ELMOD3: variants seen among roughly 807,000 people sequenced by gnomAD.
The protein encoded by ELMOD3 is ELMO domain-containing protein 3.
ELMOD3 carries 36 observed loss-of-function variants against 47.4 expected under a neutral mutation model. The ratio of observed to expected loss-of-function variants is 0.76; its 90% CI spans 0.58 to 1.00. The LOEUF (loss-of-function observed/expected upper bound fraction) is 1.00, where lower values mean the gene tolerates loss of function less well. Among genes scored for constraint, ELMOD3 ranks in the 50% least tolerant of loss-of-function variants. ELMOD3 has a pLI of 0.00. For synonymous variants in ELMOD3, 149 were observed against 183.5 expected (o/e 0.81, Z 1.52); for missense variants, 404 against 463.8 (o/e 0.87, Z 1.18).
chr2:85,370,419 T>TAAAA (rs569181155), intron 8 of ELMOD3, among the ~76,000 whole-genome samples: 1 of 121,360 alleles, frequency 8.2e-6, no homozygotes, highest in Non-Finnish European at 1.8e-5. Context: ...CCTGTCTCCG[T>TAAAA]AAAAAAAAAA....
At chr2:85,365,393 GA>G (rs1300818254) in intron 6 of ELMOD3, among the ~76,000 whole-genome samples, 2 of 151,348 alleles carry the variant, frequency 1.3e-5, no homozygotes, top group African/African-American at 4.8e-5. Context: ...ATGTAAAAGA[GA>G]ATTAATAAAT....
intron 4 of ELMOD3, chr2:85,360,789 TA>T: frequency 3.8e-6 from 1 of 264,982 alleles, no homozygotes; most frequent in Non-Finnish European, 8.1e-6. Context: ...CATTTTTACA[TA>T]ATCTTTAATG....
chr2:85,370,972 A>C (rs910123717), intron 8 of ELMOD3, 114 bp from the exon 9 acceptor site: 13 of 1,279,342 alleles, frequency 1.0e-5, no homozygotes, highest in Non-Finnish European at 1.4e-5. Flanking sequence ...AAGGCCAGCC[A>C]GATAGCTGGG....
At position 85,382,409 on chromosome 2, in the gene ELMOD3, GC is replaced by G. The variant is rs548454482; in HGVS notation, c.738+4937del. Among the ~76,000 whole-genome samples, 18 of 149,464 alleles carry G rather than the reference GC, an allele frequency of 1.2e-4. No individual in the cohort carries two copies. The East Asian group carries it at 3.6e-3, about 30-fold the overall frequency. ...GCCGAGATTGTGCCACTGCACTCCA[GC>G]CTGGGCAACAGAGCGAGATTCTGTC... On this transcript the variant is annotated intron_variant, in intron 11 of 13. Transcript: ENST00000409013.
At chr2:85,383,603 T>C (rs1001020896) in intron 11 of ELMOD3, among the ~76,000 whole-genome samples, 9 of 151,874 alleles carry the variant, frequency 5.9e-5, no homozygotes, top group African/African-American at 2.2e-4. Flanking sequence ...GGATTATAGG[T>C]GTGAGCCACC....
At chr2:85,355,303 C>A (rs1161063003) in intron 2 of ELMOD3, 133 bp downstream of exon 2, 1 of 152,310 alleles carries the variant, frequency 6.6e-6, no homozygotes, top group Non-Finnish European at 1.5e-5. Context: ...GGGAGCCGCC[C>A]ATGGACAAGC....
At chr2:85,361,891 A>C (rs1472033012) in intron 4 of ELMOD3, among the ~76,000 whole-genome samples, 8 of 151,900 alleles carry the variant, frequency 5.3e-5, no homozygotes, top group African/African-American at 1.9e-4. Flanking sequence ...AGATCGTGCC[A>C]CTGTACTCCA....
intron 5 of ELMOD3, among the ~76,000 whole-genome samples, 195 bp downstream of exon 5, chr2:85,362,455 A>G (rs1684052903): frequency 6.6e-6 from 1 of 152,136 alleles, no homozygotes; most frequent in South Asian, 2.1e-4. Flanking sequence ...TAATAAGATA[A>G]TTGCCATAAT....
In ELMOD3 at chr2:85,382,521, C is replaced by CTTTTTTT. The variant is rs112459154; in HGVS notation, c.738+5052_738+5058dup. Among the ~76,000 whole-genome samples, 7 of 143,206 alleles carry CTTTTTTT rather than the reference C, an allele frequency of 4.9e-5. 1 individual carries two copies. The highest frequency in any genetic ancestry group is 1.1e-4 in the Non-Finnish European group (7 of 66,012). 93.9% of individuals were successfully genotyped at this position (143,206 alleles called of 152,430 possible). On this transcript the variant is annotated intron_variant, in intron 11 of 13. Transcript: ENST00000409013. ...GCCCTGTAACTCAATGTCACAAGGA[C>CTTTTTTT]TTTTTTTTTTTGAGACAGAGTCTCA...
chr2:85,373,708 G>A (rs561156605), intron 10 of ELMOD3, among the ~76,000 whole-genome samples: 40 of 151,626 alleles, frequency 2.6e-4, no homozygotes, highest in Non-Finnish European at 4.0e-4. Flanking sequence ...GCATGGTGGC[G>A]CGTGCCTGTA....
In ELMOD3 at chr2:85,376,038, C is replaced by A. The variant is rs1335531067; in HGVS notation, c.608-1306C>A. 6.6e-6 allele frequency among the ~76,000 whole-genome samples: 1 copy of A among 152,166 alleles called. No individual in the cohort carries two copies. Among genetic ancestry groups the A allele is most frequent in the African/African-American group, 2.4e-5 (1 of 41,440 alleles). ...TCTCTGCTGATCAGCAACCTTAATT[C>A]TACCTGCAGTCTTAATCCCCTTTGC... On this transcript the variant is annotated intron_variant, in intron 10 of 13. Coordinates refer to ENST00000409013, the MANE Select transcript of ELMOD3 (RefSeq NM_001135022.2). This position sits in a 1 kb window ranked among gnomAD's most constrained non-coding sequence, Gnocchi z 4.2.
intron 11 of ELMOD3, among the ~76,000 whole-genome samples, chr2:85,382,253 C>T (rs1026526515): frequency 1.0e-4 from 15 of 150,608 alleles, no homozygotes; most frequent in Admixed American, 2.0e-4. Context: ...TCCTGCCTAA[C>T]GTGGTGAAAC....
rs1686196978 is a variant in ELMOD3, at chr2:85,389,835, C to T, written c.815+8C>T. On this transcript the variant is annotated splice_region_variant and intron_variant, in intron 12 of 13. Transcript: ENST00000409013. ...AGAGGAGTGTCTCTCCAGGTGAGTC[C>T]CCAAACACCAGCTGGTTAGAGTGAC... The T allele has an allele frequency of 1.2e-6, 2 of 1,611,378 alleles. No homozygotes were observed. Among genetic ancestry groups the T allele is most frequent in the Admixed American group, 1.7e-5 (1 of 59,996 alleles).
chr2:85,382,920 T>G (rs1248729972), intron 11 of ELMOD3, among the ~76,000 whole-genome samples: 1 of 143,824 alleles, frequency 7.0e-6, no homozygotes, highest in African/African-American at 2.6e-5. Context: ...GGCTGTAGAC[T>G]CTACCATCCC....
At chr2:85,368,566 T>C in intron 6 of ELMOD3, 120 bp from the exon 7 acceptor site, 1 of 841,068 alleles carries the variant, frequency 1.2e-6, no homozygotes, top group Non-Finnish European at 1.9e-6. Context: ...GGCAACACAG[T>C]GACACCCCAT....
intron 11 of ELMOD3, 130 bp from the exon 12 acceptor site, chr2:85,389,621 A>C (rs1442194751): frequency 1.5e-6 from 1 of 678,506 alleles, no homozygotes; most frequent in Non-Finnish European, 2.6e-6. Flanking sequence ...AGGAAAATTA[A>C]GTGGAAGCAA....
chr2:85,380,271 T>TA (rs977619902), intron 11 of ELMOD3, among the ~76,000 whole-genome samples: 1 of 152,194 alleles, frequency 6.6e-6, no homozygotes, highest in African/African-American at 2.4e-5. Context: ...ACTAAATTGT[T>TA]AAAAGCTGTC....
At position 85,390,823 on chromosome 2, in the gene ELMOD3, C is replaced by T; in HGVS notation, c.1007C>T (p.Ala336Val). The change falls in exon 14 of 14, where the codon GCC becomes GTC. Residue 336 changes from alanine to valine, a missense_variant. Ala to Val is a moderately conservative substitution (Grantham distance 64). Transcript: ENST00000409013. Reference protein sequence around the residue: ...RLLKTLELYLARVSKGQASLL... With the variant: ...RLLKTLELYLVRVSKGQASLL... ...CTCAAGACCCTGGAGCTGTACTTGG[C>T]CAGGGTGTCAAAGGGACAGGCCTCC... is the stretch of plus-strand genomic sequence containing the variant. The T allele has an allele frequency of 6.4e-7, 1 of 1,551,562 alleles. No individual in the cohort carries two copies. The highest frequency in any genetic ancestry group is 8.7e-7 in the Non-Finnish European group (1 of 1,146,974).
At chr2:85,383,377 TTG>T (rs1685723786) in intron 11 of ELMOD3, among the ~76,000 whole-genome samples, 1 of 151,810 alleles carries the variant, frequency 6.6e-6, no homozygotes, top group Non-Finnish European at 1.5e-5. Context: ...TGAGCTGTGA[TTG>T]TGTCACTGCA....
Sources: gnomAD v4.1 joint callset for allele counts (sites outside exome capture counted in the v4.1 genomes callset) on GRCh38, gnomAD v4.1.1 for gene constraint, Gnocchi (gnomAD v3.1) non-coding constraint, MANE v1.5 for transcripts, NCBI Gene and HGNC (gene_info 2026-07-23, HGNC 2026-07-21) for gene names.